CNTN5: variants seen among roughly 807,000 people sequenced by gnomAD.
CNTN5 encodes the protein contactin-5.
CNTN5 carries 77 observed loss-of-function variants against 129.1 expected under a neutral mutation model. That is an observed-to-expected ratio of 0.60 (90% CI 0.50 to 0.72). The LOEUF is 0.72. Among genes scored for constraint, CNTN5 ranks in the 30% least tolerant of loss-of-function variants. The pLI is 0.00. For synonymous variants in CNTN5, 509 were observed against 465.6 expected, an observed-to-expected ratio of 1.09 and a Z score of -1.20; for missense variants, 1,478 against 1,328.8, an observed-to-expected ratio of 1.11 and a Z score of -1.75.
chr11:99,692,781 A>G (rs985534107), intron 3 of CNTN5, among the ~76,000 whole-genome samples: 4 of 152,146 alleles, frequency 2.6e-5, no homozygotes, highest in Non-Finnish European at 4.4e-5. Flanking sequence ...AGTAAAGGAG[A>G]ATCCTTTAAT....
At chr11:100,017,833 C>T (rs1463858471) in intron 9 of CNTN5, among the ~76,000 whole-genome samples, 1 of 135,124 alleles carries the variant, frequency 7.4e-6, no homozygotes, top group African/African-American at 2.7e-5. Flanking sequence ...GAAGCTAGTC[C>T]AGGAGAATCC....
intron 8 of CNTN5, among the ~76,000 whole-genome samples, chr11:99,994,606 T>C (rs966310465): frequency 1.3e-5 from 2 of 152,196 alleles, no homozygotes; most frequent in African/African-American, 4.8e-5. Context: ...ATAAGCATCA[T>C]GATAAATCAG....
intron 3 of CNTN5, among the ~76,000 whole-genome samples, chr11:99,713,660 A>G (rs1216758411): frequency 6.6e-6 from 1 of 151,964 alleles, no homozygotes; most frequent in Non-Finnish European, 1.5e-5. Context: ...GTTAACTATT[A>G]AGACTTCGTC....
chr11:99,739,637 A>G (rs986846370), intron 3 of CNTN5, among the ~76,000 whole-genome samples: 1 of 152,148 alleles, frequency 6.6e-6, no homozygotes, highest in Non-Finnish European at 1.5e-5. Context: ...AGAAAAAACT[A>G]AAGTGCTATG....
intron 4 of CNTN5, among the ~76,000 whole-genome samples, chr11:99,835,193 C>G (rs1947264224): frequency 6.6e-6 from 1 of 152,136 alleles, no homozygotes; most frequent in Non-Finnish European, 1.5e-5. Flanking sequence ...GATGCAGAAA[C>G]TGATGATGAC....
chr11:99,994,432 C>G (rs1292395317), intron 8 of CNTN5, among the ~76,000 whole-genome samples: 1 of 152,160 alleles, frequency 6.6e-6, no homozygotes, highest in Non-Finnish European at 1.5e-5. Context: ...ATTACCGTAG[C>G]TTTGGAGGTT....
intron 1 of CNTN5, among the ~76,000 whole-genome samples, chr11:99,046,986 G>A (rs1462433025): frequency 6.6e-6 from 1 of 151,756 alleles, no homozygotes; most frequent in Admixed American, 6.6e-5. Context: ...AAGTTACTTC[G>A]TGTTAAAGTT....
intron 8 of CNTN5, among the ~76,000 whole-genome samples, chr11:99,992,653 T>C (rs1939188610): frequency 1.3e-5 from 2 of 152,168 alleles, no homozygotes; most frequent in South Asian, 2.1e-4. Context: ...GTTGTCCAGG[T>C]TTTTCTGGTG....
intron 4 of CNTN5, among the ~76,000 whole-genome samples, chr11:99,837,119 G>A (rs1405788240): frequency 4.6e-5 from 7 of 152,114 alleles, no homozygotes; most frequent in Non-Finnish European, 8.8e-5. Flanking sequence ...ATCTGGGAAT[G>A]CAGCTCAGTA....
chr11:100,026,282 T>TTTCC (rs139500498), intron 9 of CNTN5, among the ~76,000 whole-genome samples: 6,108 of 152,138 alleles, frequency 0.04, 395 homozygotes, highest in African/African-American at 0.14. Context: ...TCTTCTTCAC[T>TTTCC]TTCCACCAAG....
intron 1 of CNTN5, among the ~76,000 whole-genome samples, chr11:99,237,449 G>A (rs531051785): frequency 2.1e-4 from 32 of 152,244 alleles, no homozygotes; most frequent in East Asian, 7.7e-4. Context: ...GTGGGAAGCC[G>A]AGGTGGGCGC....
chr11:99,909,461 G>A (rs993659789), intron 6 of CNTN5, among the ~76,000 whole-genome samples: 1 of 152,064 alleles, frequency 6.6e-6, no homozygotes. Context: ...CCATTACTGG[G>A]TATATACCCA....
At chr11:100,092,754 T>A (rs1239113122) in intron 13 of CNTN5, among the ~76,000 whole-genome samples, 1 of 151,918 alleles carries the variant, frequency 6.6e-6, no homozygotes, top group Admixed American at 6.6e-5. Flanking sequence ...GTGATTGTCC[T>A]CTTTGCGCAT....
chr11:100,136,708 G>A (rs979525362), intron 13 of CNTN5, among the ~76,000 whole-genome samples: 9 of 151,432 alleles, frequency 5.9e-5, no homozygotes, highest in African/African-American at 1.9e-4. Flanking sequence ...AACAAACTAT[G>A]TGTATGCCCA....
At chr11:99,474,009 A>G (rs1047197194) in intron 2 of CNTN5, among the ~76,000 whole-genome samples, 4 of 152,084 alleles carry the variant, frequency 2.6e-5, no homozygotes, top group South Asian at 2.1e-4. Context: ...TTAAAAAACT[A>G]CTAAGAATAC....
intron 3 of CNTN5, among the ~76,000 whole-genome samples, chr11:99,711,215 A>G (rs1954973466): frequency 6.6e-6 from 1 of 151,834 alleles, no homozygotes; most frequent in Non-Finnish European, 1.5e-5. Flanking sequence ...GGTCAAAGCA[A>G]CTCTATAGAG....
chr11:100,022,410 A>T (rs1037192176), intron 9 of CNTN5, among the ~76,000 whole-genome samples: 1 of 152,128 alleles, frequency 6.6e-6, no homozygotes, highest in African/African-American at 2.4e-5. Context: ...TTCTTTGTAC[A>T]TTCTATTCTT....
intron 3 of CNTN5, among the ~76,000 whole-genome samples, chr11:99,670,765 C>T (rs948299643): frequency 2.2e-4 from 34 of 152,226 alleles, no homozygotes; most frequent in African/African-American, 7.9e-4. Flanking sequence ...TGGACATTCA[C>T]CATAGGTTTG....
At chr11:99,529,526 A>C (rs1323856694) in intron 2 of CNTN5, among the ~76,000 whole-genome samples, 1 of 152,210 alleles carries the variant, frequency 6.6e-6, no homozygotes, top group African/African-American at 2.4e-5. Context: ...ATATTTAGAC[A>C]TAAGGAATTT....
Sources: gnomAD v4.1 joint callset for allele counts (sites outside exome capture counted in the v4.1 genomes callset) on GRCh38, gnomAD v4.1.1 for gene constraint, MANE v1.5 for transcripts, NCBI Gene and HGNC (gene_info 2026-07-23, HGNC 2026-07-21) for gene names.